KAZN: variants seen among roughly 807,000 people sequenced by gnomAD.
KAZN encodes the protein kazrin.
In KAZN, 40 loss-of-function variants were observed where a neutral mutation model predicts 87.4. The ratio of observed to expected loss-of-function variants is 0.46; its 90% confidence interval spans 0.36 to 0.60. KAZN has a LOEUF of 0.60. Among genes scored for constraint, KAZN ranks in the 20% least tolerant of loss-of-function variants. The probability of loss-of-function intolerance (pLI) is 0.00; values close to 1 mark genes in which losing one functional copy is unlikely to be tolerated. For synonymous variants in KAZN, 466 were observed against 458.3 expected, an observed-to-expected ratio of 1.02 and a Z score of -0.22; for missense variants, 898 against 1,073.9, an observed-to-expected ratio of 0.84 and a Z score of 2.29.
intron 1 of KAZN, among the ~76,000 whole-genome samples, chr1:14,770,214 G>A (rs1018115034): frequency 1.3e-5 from 2 of 152,200 alleles, no homozygotes; most frequent in Admixed American, 1.3e-4. Flanking sequence ...AAACAGGCAT[G>A]GTGCCTGATG....
rs190835302 is a variant in KAZN at position 14,647,662 on chromosome 1, G to C, written c.226+48439G>C. Among the ~76,000 whole-genome samples, 78 of 152,256 alleles carry C rather than the reference G, an allele frequency of 5.1e-4. No homozygotes were observed. In the East Asian group the frequency reaches 9.7e-3, roughly 19 times the overall value. ...ACATAATTGTTACCGTGTGGGAATC[G>C]GGGCCTGGTATTGGCAAATTTTATG... is the stretch of plus-strand genomic sequence containing the variant. On this transcript the variant is annotated intron_variant, in intron 1 of 14. Transcript: ENST00000376030.
chr1:13,979,847 C>T (rs750032161), intron 1 of KAZN, among the ~76,000 whole-genome samples: 1 of 146,920 alleles, frequency 6.8e-6, no homozygotes. Flanking sequence ...AGGAGAATGG[C>T]GTGAACCCTG....
At chr1:14,286,575 A>G (rs1653269800) in intron 2 of KAZN, among the ~76,000 whole-genome samples, 1 of 152,208 alleles carries the variant, frequency 6.6e-6, no homozygotes, top group Non-Finnish European at 1.5e-5. Context: ...CCATTATTAC[A>G]CACTATCTAC....
At chr1:14,117,819 T>G (rs1040918512) in intron 1 of KAZN, among the ~76,000 whole-genome samples, 3 of 152,176 alleles carry the variant, frequency 2.0e-5, no homozygotes, top group African/African-American at 4.8e-5. Context: ...GGTAAATCAC[T>G]GACCACTGCC....
intron 4 of KAZN, among the ~76,000 whole-genome samples, chr1:15,049,051 T>C (rs1674004184): frequency 6.6e-6 from 1 of 152,254 alleles, no homozygotes; most frequent in Non-Finnish European, 1.5e-5. Context: ...TCTTACGGTT[T>C]CGGAGCTGGA....
intron 1 of KAZN, among the ~76,000 whole-genome samples, chr1:14,858,766 T>G (rs1650471773): frequency 6.6e-6 from 1 of 152,186 alleles, no homozygotes; most frequent in African/African-American, 2.4e-5. Flanking sequence ...ATATTTGCAC[T>G]CTTATTCCAC....
chr1:14,047,206 T>C (rs577279398), intron 1 of KAZN, among the ~76,000 whole-genome samples: 2 of 152,332 alleles, frequency 1.3e-5, no homozygotes, highest in African/African-American at 2.4e-5. Flanking sequence ...GAAATAGGGA[T>C]GGGAAGGGTG....
chr1:14,253,154 C>T (rs558970669), intron 2 of KAZN, among the ~76,000 whole-genome samples: 10 of 151,118 alleles, frequency 6.6e-5, no homozygotes, highest in African/African-American at 1.9e-4. Context: ...ACCCGGTTAC[C>T]GGGGTAGAGT....
At chr1:14,882,407 A>ATG (rs1265819055) in intron 1 of KAZN, among the ~76,000 whole-genome samples, 5 of 152,212 alleles carry the variant, frequency 3.3e-5, no homozygotes, top group Admixed American at 6.5e-5. Flanking sequence ...CACCTGGGGC[A>ATG]AGTTGTTTAA....
chr1:14,712,164 A>T (rs996968707), intron 1 of KAZN, among the ~76,000 whole-genome samples: 5 of 152,236 alleles, frequency 3.3e-5, no homozygotes, highest in Non-Finnish European at 7.3e-5. Flanking sequence ...TGAAGCAGGT[A>T]GCAGGGAGGC....
chr1:14,998,830 G>A lies in KAZN; in HGVS notation c.419-35919G>A, dbSNP rs56101399. ...CTCCCACAGTGCTGGGATTACAGGC[G>A]TGGGCCACCGCACCCAGCCCAACTC... is the stretch of plus-strand genomic sequence containing the variant. On this transcript the variant is annotated intron_variant, in intron 2 of 14. Transcript: ENST00000376030. 7.5e-4 allele frequency among the ~76,000 whole-genome samples: 114 copies of A among 152,300 alleles called. 1 individual carries two copies. Among genetic ancestry groups the A allele is most frequent in the African/African-American group, 2.7e-3 (111 of 41,588 alleles).
chr1:14,333,809 G>A (rs184410955), intron 2 of KAZN, among the ~76,000 whole-genome samples: 1 of 152,222 alleles, frequency 6.6e-6, no homozygotes, highest in African/African-American at 2.4e-5. Context: ...AGAGGTGAGA[G>A]AATGAGGTGT....
chr1:14,022,583 G>A (rs543027742), intron 1 of KAZN, among the ~76,000 whole-genome samples: 10 of 150,476 alleles, frequency 6.6e-5, no homozygotes, highest in South Asian at 2.1e-4. Flanking sequence ...ATGATGCAGC[G>A]TTTCTATAAT....
intron 2 of KAZN, among the ~76,000 whole-genome samples, chr1:15,025,507 C>A (rs371407928): frequency 5.4e-4 from 82 of 152,374 alleles, no homozygotes; most frequent in African/African-American, 1.7e-3. Context: ...TGCCCTGTTT[C>A]CCTCCCGTGC....
At chr1:13,904,257 A>G (rs1639356814) in intron 1 of KAZN, among the ~76,000 whole-genome samples, 1 of 152,174 alleles carries the variant, frequency 6.6e-6, no homozygotes, top group African/African-American at 2.4e-5. Flanking sequence ...GCCACTTCTA[A>G]GACAGGTGAA....
At chr1:14,348,408 T>TC (rs1658273266) in intron 2 of KAZN, among the ~76,000 whole-genome samples, 1 of 152,132 alleles carries the variant, frequency 6.6e-6, no homozygotes, top group Admixed American at 6.5e-5. Flanking sequence ...TGCACATAGC[T>TC]CACACCTAGT....
At chr1:14,895,191 T>C (rs1169471456) in intron 1 of KAZN, among the ~76,000 whole-genome samples, 2 of 152,210 alleles carry the variant, frequency 1.3e-5, no homozygotes, top group African/African-American at 4.8e-5. Flanking sequence ...CGTGGGGCAA[T>C]GGCCAGCCCC....
chr1:14,603,387 T>A (rs1677124845), intron 1 of KAZN, among the ~76,000 whole-genome samples: 1 of 65,296 alleles, frequency 1.5e-5, no homozygotes, highest in Admixed American at 1.4e-4. Context: ...AGAGTGTGTC[T>A]TTTCCTAACC....
chr1:13,900,857 G>T, intron 1 of KAZN, among the ~76,000 whole-genome samples: 1 of 152,148 alleles, frequency 6.6e-6, no homozygotes, highest in East Asian at 1.9e-4. Context: ...GTTTTTCACA[G>T]TGCCTGACAC....
Sources: gnomAD v4.1 joint callset for allele counts (sites outside exome capture counted in the v4.1 genomes callset) on GRCh38, gnomAD v4.1.1 for gene constraint, MANE v1.5 for transcripts, NCBI Gene and HGNC (gene_info 2026-07-23, HGNC 2026-07-21) for gene names.